CRACD: variants seen among roughly 807,000 people sequenced by gnomAD.
CRACD encodes capping protein inhibiting regulator of actin dynamics, also known as capping protein-inhibiting regulator of actin dynamics.
In CRACD, 56 loss-of-function variants were observed where a neutral mutation model predicts 106.8. That is an observed-to-expected ratio of 0.52 (90% CI 0.42 to 0.66). The LOEUF (loss-of-function observed/expected upper bound fraction) is 0.66, where lower values mean the gene tolerates loss of function less well. Ranked by LOEUF, CRACD falls within the 30% of genes least tolerant of loss-of-function variation. CRACD has a pLI of 0.00. For missense variants in CRACD, 1,730 were observed against 1,623.2 expected, an observed-to-expected ratio of 1.07 and a Z score of -1.13; for synonymous variants, 754 against 670.8, an observed-to-expected ratio of 1.12 and a Z score of -1.92.
chr4:56,119,801 G>T (rs949099137), intron 1 of CRACD, among the ~76,000 whole-genome samples: 6 of 152,092 alleles, frequency 3.9e-5, no homozygotes, highest in Admixed American at 1.3e-4. Context: ...TGTCCCAGAG[G>T]CATTTCATAC....
chr4:56,274,268 T>C (rs1275542959), intron 3 of CRACD, among the ~76,000 whole-genome samples: 1 of 152,198 alleles, frequency 6.6e-6, no homozygotes, highest in African/African-American at 2.4e-5. Flanking sequence ...AGCGTGAACT[T>C]TTTGGCCTCA....
chr4:56,177,304 G>A (rs1169876789), intron 1 of CRACD, among the ~76,000 whole-genome samples: 2 of 152,096 alleles, frequency 1.3e-5, no homozygotes, highest in African/African-American at 4.8e-5. Flanking sequence ...ATGCTTTTTA[G>A]GAGGCATCTA....
At chr4:56,116,635 C>T (rs10027560) in intron 1 of CRACD, among the ~76,000 whole-genome samples, 71,673 of 152,052 alleles carry the variant, frequency 0.47, 18,099 homozygotes, top group African/African-American at 0.66. Flanking sequence ...AGTAAACTTA[C>T]GCATTTTAAA....
intron 1 of CRACD, among the ~76,000 whole-genome samples, chr4:56,054,341 T>C (rs1300723691): frequency 1.3e-5 from 2 of 152,050 alleles, no homozygotes; most frequent in African/African-American, 2.4e-5. Flanking sequence ...CCACCACATC[T>C]GGTTAATTAT....
chr4:56,194,299 A>G (rs1221384962), intron 2 of CRACD, among the ~76,000 whole-genome samples: 4 of 152,200 alleles, frequency 2.6e-5, no homozygotes, highest in Non-Finnish European at 5.9e-5. Context: ...TAAAGAAAAA[A>G]GTGGTGAAGC....
chr4:56,204,145 A>G (rs6817969), intron 2 of CRACD, among the ~76,000 whole-genome samples: 75,639 of 152,074 alleles, frequency 0.5, 19,299 homozygotes, highest in East Asian at 0.71. Flanking sequence ...CATGCAGGGA[A>G]CAGTCTACAT....
intron 2 of CRACD, among the ~76,000 whole-genome samples, chr4:56,197,835 G>T (rs952610817): frequency 6.6e-6 from 1 of 151,968 alleles, no homozygotes; most frequent in Non-Finnish European, 1.5e-5. Context: ...CCGCCATCAC[G>T]CCCGGCTAAT....
chr4:56,314,648 G>T lies in CRACD; in HGVS notation c.1146G>T (p.Pro382=). 6.5e-7 allele frequency: 1 copy of T among 1,545,022 alleles called. No homozygotes were observed. The highest frequency in any genetic ancestry group is 8.7e-7 in the Non-Finnish European group (1 of 1,143,754). The change falls in exon 8 of 11, where the codon CCG becomes CCT. Residue 382 remains proline (P), a synonymous_variant. Coordinates refer to ENST00000682029, the MANE Select transcript of CRACD (RefSeq NM_001393381.1). The surrounding 1 kb of genome is among the most constrained non-coding windows in gnomAD (Gnocchi z 4.4). ...AGCAGGAGGCGGAGGTGCAGGGGCC[G>T]CCCGAGGCGTTGGAGGAGACTGGGG... is the stretch of plus-strand genomic sequence containing the variant. ...LEQQEAEVQG[P]PEALEETGEG... is the part of the protein sequence containing the mutation.
At chr4:56,112,382 A>C (rs1412304921) in intron 1 of CRACD, among the ~76,000 whole-genome samples, 2 of 152,200 alleles carry the variant, frequency 1.3e-5, no homozygotes, top group Admixed American at 1.3e-4. Context: ...TCTGACCCAG[A>C]AAGGTGGGAC....
chr4:56,233,151 A>C (rs1739746365), intron 2 of CRACD, among the ~76,000 whole-genome samples: 1 of 152,132 alleles, frequency 6.6e-6, no homozygotes, highest in Non-Finnish European at 1.5e-5. Flanking sequence ...AAGTTGCGTT[A>C]GTTTTAAAAT....
intron 1 of CRACD, among the ~76,000 whole-genome samples, chr4:56,079,862 T>G (rs1732964542): frequency 6.6e-6 from 1 of 152,160 alleles, no homozygotes; most frequent in African/African-American, 2.4e-5. Context: ...CAAGTGTAGG[T>G]TTACCATTGG....
chr4:56,080,259 A>G (rs902560883), intron 1 of CRACD, among the ~76,000 whole-genome samples: 1 of 152,206 alleles, frequency 6.6e-6, no homozygotes, highest in Non-Finnish European at 1.5e-5. Context: ...GGTTATCTCA[A>G]AATAGTAGTG....
At chr4:56,058,370 C>G (rs116226585) in intron 1 of CRACD, among the ~76,000 whole-genome samples, 1,797 of 152,306 alleles carry the variant, frequency 0.012, 33 homozygotes, top group African/African-American at 0.041. Flanking sequence ...CACCTGGCCT[C>G]AGATAGTTTT....
chr4:56,240,343 A>G (rs1740292014), intron 2 of CRACD, among the ~76,000 whole-genome samples: 1 of 152,112 alleles, frequency 6.6e-6, no homozygotes, highest in East Asian at 1.9e-4. Flanking sequence ...GGTACCACAG[A>G]GAAATTCCTT....
intron 2 of CRACD, among the ~76,000 whole-genome samples, chr4:56,245,813 G>A (rs769505316): frequency 5.9e-5 from 9 of 152,108 alleles, no homozygotes; most frequent in Non-Finnish European, 1.2e-4. Flanking sequence ...AGGAAAAATC[G>A]AACTTCCAAT....
At chr4:56,088,520 A>T (rs1300937946) in intron 1 of CRACD, among the ~76,000 whole-genome samples, 1 of 151,578 alleles carries the variant, frequency 6.6e-6, no homozygotes, top group Non-Finnish European at 1.5e-5. Context: ...AAGTTTAAGA[A>T]ATACTTACTT....
chr4:56,194,491 A>G (rs1434193216), intron 2 of CRACD, among the ~76,000 whole-genome samples: 1 of 152,232 alleles, frequency 6.6e-6, no homozygotes. Context: ...GAATGTTTGC[A>G]TCCCCCCCTG....
intron 8 of CRACD, among the ~76,000 whole-genome samples, chr4:56,319,606 A>C (rs942611942): frequency 1.2e-4 from 18 of 152,132 alleles, no homozygotes; most frequent in African/African-American, 4.1e-4. Context: ...CCTGTCTCAA[A>C]AAAAGGAAAA....
intron 3 of CRACD, among the ~76,000 whole-genome samples, chr4:56,291,002 A>T (rs1743673010): frequency 6.6e-6 from 1 of 152,242 alleles, no homozygotes. Flanking sequence ...TGTTTAAATT[A>T]AAATGATTGT....
Sources: allele counts gnomAD v4.1 joint callset (sites outside exome capture counted in the v4.1 genomes callset), GRCh38; gene constraint gnomAD v4.1.1; non-coding constraint Gnocchi (gnomAD v3.1); transcripts MANE v1.5; gene names NCBI Gene and HGNC (gene_info 2026-07-23, HGNC 2026-07-21).